The following PRKN variants were observed in gnomAD, a reference collection of about 807,000 sequenced individuals.
The protein encoded by PRKN is E3 ubiquitin-protein ligase parkin.
A neutral mutation model predicts 59.5 loss-of-function variants in PRKN; 56 were observed. The observed-to-expected ratio is 0.94, with a 90% CI of 0.76 to 1.18. PRKN has a LOEUF of 1.18. Ranked by LOEUF, PRKN falls within the 50% of genes most tolerant of loss-of-function variation. The pLI is 0.00. For missense variants in PRKN, 657 were observed against 596.4 expected (o/e 1.10, Z -1.06); for synonymous variants, 250 against 222.1 (o/e 1.13, Z -1.12).
chr6:161,826,228 T>A (rs191490004), intron 6 of PRKN, among the ~76,000 whole-genome samples: 76 of 152,150 alleles, frequency 5.0e-4, no homozygotes, highest in African/African-American at 1.8e-3. Flanking sequence ...TACAAGGAAT[T>A]AGAGAAATGA....
intron 9 of PRKN, among the ~76,000 whole-genome samples, chr6:161,492,215 C>A (rs774257233): frequency 1.3e-5 from 2 of 152,126 alleles, no homozygotes. Context: ...ATGCTACTCT[C>A]CTCAGTAACT....
rs180722026 is a variant in PRKN at position 161,488,881 on chromosome 6, T to C, written c.1083+59973A>G. 6.0e-3 allele frequency among the ~76,000 whole-genome samples: 911 copies of C among 152,236 alleles called. 3 individuals carry two copies. The highest frequency in any genetic ancestry group is 0.011 in the Non-Finnish European group (733 of 68,000). The stretch of plus-strand genomic sequence containing the variant: ...AACCAGGAAAAGGATGGCTGATACA[T>C]TGAATGATGAAGAGGAATTAAGGCA... On this transcript the variant is annotated intron_variant, in intron 9 of 11. Coordinates refer to ENST00000366898, the MANE Select transcript of PRKN (RefSeq NM_004562.3). The surrounding 1 kb of genome is among the most constrained non-coding windows in gnomAD (Gnocchi z 4.5).
intron 2 of PRKN, among the ~76,000 whole-genome samples, chr6:162,351,892 T>A (rs539471472): frequency 6.6e-6 from 1 of 152,046 alleles, no homozygotes; most frequent in East Asian, 1.9e-4. Flanking sequence ...TCTGCTAGAG[T>A]TTTTTTCCTG....
At chr6:162,653,882 C>A (rs1267728711) in intron 1 of PRKN, among the ~76,000 whole-genome samples, 1 of 152,092 alleles carries the variant, frequency 6.6e-6, no homozygotes, top group Non-Finnish European at 1.5e-5. Context: ...CCTTTTTTAT[C>A]TTAGTATTTA....
chr6:161,851,595 C>T (rs1165517846), intron 6 of PRKN, among the ~76,000 whole-genome samples: 1 of 151,788 alleles, frequency 6.6e-6, no homozygotes, highest in Non-Finnish European at 1.5e-5. Flanking sequence ...GATTCTCGTA[C>T]GTGCCTCAGC....
At chr6:161,622,155 T>TG (rs1782928046) in intron 7 of PRKN, among the ~76,000 whole-genome samples, 2 of 152,018 alleles carry the variant, frequency 1.3e-5, no homozygotes, top group South Asian at 2.1e-4. Context: ...TGTTTGCAGA[T>TG]GGGGGGCTGC....
At chr6:161,888,526 T>C (rs774765519) in intron 6 of PRKN, among the ~76,000 whole-genome samples, 1 of 152,046 alleles carries the variant, frequency 6.6e-6, no homozygotes, top group African/African-American at 2.4e-5. Context: ...TCTCTGGGAG[T>C]TGCTCTTGCA....
chr6:161,729,578 G>C (rs1787588324), intron 7 of PRKN, among the ~76,000 whole-genome samples: 1 of 152,104 alleles, frequency 6.6e-6, no homozygotes, highest in Non-Finnish European at 1.5e-5. Flanking sequence ...TTTCACTTAA[G>C]CCAGTTAAAA....
intron 2 of PRKN, among the ~76,000 whole-genome samples, chr6:162,379,213 C>G (rs58207737): frequency 0.27 from 40,238 of 151,740 alleles, 5,507 homozygotes; most frequent in African/African-American, 0.3. Context: ...AGTGCCATTG[C>G]CAGGGAAGCT....
chr6:161,961,876 A>G (rs1780393769), intron 6 of PRKN, among the ~76,000 whole-genome samples: 1 of 152,196 alleles, frequency 6.6e-6, no homozygotes, highest in Non-Finnish European at 1.5e-5. Flanking sequence ...TACTGATATA[A>G]TAGAATGCTG....
chr6:161,761,254 G>A (rs1456518044), intron 7 of PRKN, among the ~76,000 whole-genome samples: 1 of 152,218 alleles, frequency 6.6e-6, no homozygotes, highest in Non-Finnish European at 1.5e-5. Flanking sequence ...CTCTTTGAAA[G>A]TAAAAAGTAC....
chr6:161,932,149 TCA>T (rs1312915235), intron 6 of PRKN, among the ~76,000 whole-genome samples: 2 of 152,038 alleles, frequency 1.3e-5, no homozygotes, highest in African/African-American at 2.4e-5. Context: ...TAAAAAAATC[TCA>T]GTTAACATAA....
intron 5 of PRKN, among the ~76,000 whole-genome samples, chr6:162,048,060 C>G (rs188209939): frequency 6.6e-6 from 1 of 151,820 alleles, no homozygotes; most frequent in Non-Finnish European, 1.5e-5. Flanking sequence ...AGAGGTGTTA[C>G]GCTACTTGTT....
At chr6:162,323,339 G>T (rs1355794435) in intron 2 of PRKN, among the ~76,000 whole-genome samples, 1 of 151,504 alleles carries the variant, frequency 6.6e-6, no homozygotes, top group African/African-American at 2.4e-5. Context: ...TATAATCTTT[G>T]CTTAGACAAG....
At chr6:162,404,677 C>T (rs372035552) in intron 2 of PRKN, among the ~76,000 whole-genome samples, 6 of 152,176 alleles carry the variant, frequency 3.9e-5, no homozygotes, top group African/African-American at 1.2e-4. Context: ...CTCAGCCTCC[C>T]GAGTAGCTCG....
chr6:162,101,783 G>A (rs1779981279), intron 4 of PRKN, among the ~76,000 whole-genome samples: 1 of 152,104 alleles, frequency 6.6e-6, no homozygotes, highest in African/African-American at 2.4e-5. Flanking sequence ...TATATTTTAA[G>A]GCAGGTAGTG....
chr6:161,845,191 C>T (rs1342847467), intron 6 of PRKN, among the ~76,000 whole-genome samples: 2 of 152,198 alleles, frequency 1.3e-5, no homozygotes, highest in Non-Finnish European at 2.9e-5. Context: ...GACCAAACAA[C>T]TAATTCTCTG....
chr6:161,880,448 C>A (rs991749554), intron 6 of PRKN, among the ~76,000 whole-genome samples: 1 of 152,126 alleles, frequency 6.6e-6, no homozygotes, highest in African/African-American at 2.4e-5. Context: ...ATTTATATAA[C>A]CTCAGCTATC....
At chr6:162,120,182 T>G (rs1780847032) in intron 4 of PRKN, among the ~76,000 whole-genome samples, 1 of 152,174 alleles carries the variant, frequency 6.6e-6, no homozygotes. Context: ...TTTATATTTT[T>G]TTGCAGAGAC....
Sources: allele counts gnomAD v4.1 joint callset (sites outside exome capture counted in the v4.1 genomes callset), GRCh38; gene constraint gnomAD v4.1.1; non-coding constraint Gnocchi (gnomAD v3.1); transcripts MANE v1.5; gene names NCBI Gene and HGNC (gene_info 2026-07-23, HGNC 2026-07-21).